Variants in ZNF644 observed in about 807,000 individuals in gnomAD.
ZNF644 encodes zinc finger motif enhancer binding protein 2.
In ZNF644, 20 loss-of-function variants were observed where a neutral mutation model predicts 108.0. The ratio of observed to expected loss-of-function variants is 0.19; its 90% CI spans 0.13 to 0.27. The LOEUF (loss-of-function observed/expected upper bound fraction) is 0.27, where lower values mean the gene tolerates loss of function less well. ZNF644 is among the 10% of genes least tolerant of loss of function. The probability of loss-of-function intolerance (pLI) is 1.00; values close to 1 mark genes in which losing one functional copy is unlikely to be tolerated. For missense variants in ZNF644, 1,338 were observed against 1,548.9 expected (o/e 0.86, Z 2.29); for synonymous variants, 542 against 539.1 (o/e 1.01, Z -0.08).
rs1471714175 is a variant in ZNF644 at position 90,938,255 on chromosome 1, C to G, written c.3082+17G>C. 1 of 1,613,916 alleles carries G rather than the reference C, an allele frequency of 6.2e-7. No individual in the cohort carries two copies. Among genetic ancestry groups the G allele is most frequent in the Admixed American group, 1.7e-5 (1 of 59,994 alleles). ...ACACAGACCTATCAGCCCAAATCAT[C>G]CCCATGGAGAACTTACCTTTTCTAA... On this transcript the variant is annotated intron_variant, in intron 3 of 5. Transcript: ENST00000337393. This position sits in a 1 kb window ranked among gnomAD's most constrained non-coding sequence, Gnocchi z 4.2.
At chr1:90,994,023 G>A (rs903757075) in intron 1 of ZNF644, among the ~76,000 whole-genome samples, 1 of 152,200 alleles carries the variant, frequency 6.6e-6, no homozygotes, top group African/African-American at 2.4e-5. Context: ...CTCTCAGGCT[G>A]ATCAGATTAC....
chr1:91,010,255 T>TC (rs1054415639), intron 1 of ZNF644, among the ~76,000 whole-genome samples: 2 of 142,340 alleles, frequency 1.4e-5, no homozygotes, highest in East Asian at 2.0e-4. Context: ...TTTTTTTTTT[T>TC]CTGAGACACA....
At chr1:90,983,339 C>T (rs1656752567) in intron 1 of ZNF644, among the ~76,000 whole-genome samples, 2 of 151,820 alleles carry the variant, frequency 1.3e-5, no homozygotes, top group Admixed American at 6.6e-5. Context: ...GACATGGGGG[C>T]CTGTTAAAAA....
Position 90,940,987 on chromosome 1 carries a change from A to T in ZNF644, c.367T>A (p.Ser123Thr). Residue 123 changes from serine to threonine, a missense_variant, in exon 3 of 6, where the codon TCC (serine) becomes ACC (threonine). This residue lies in a region of ZNF644 where 464 missense variants were observed against 457.9 expected (regional missense o/e 1.01). Coordinates refer to ENST00000337393, the MANE Select transcript of ZNF644 (RefSeq NM_201269.3). ...ATATTGGAAGTCTTAGTTAAGGAGG[A>T]GTGTGAAACTGGTCCATTAACAGCA... Reference protein sequence around the residue: ...GAAVNGPVSHSSLTKTSNMNK... With the variant: ...GAAVNGPVSHTSLTKTSNMNK... 1 of 1,614,058 alleles carries T rather than the reference A, an allele frequency of 6.2e-7. No homozygotes were observed. The highest frequency in any genetic ancestry group is 8.5e-7 in the Non-Finnish European group (1 of 1,179,966).
chr1:90,966,820 T>C (rs112220890), intron 2 of ZNF644, among the ~76,000 whole-genome samples: 10 of 150,010 alleles, frequency 6.7e-5, no homozygotes, highest in African/African-American at 2.5e-4. Flanking sequence ...TGGGAGATGG[T>C]CTTAAGGTAG....
intron 2 of ZNF644, among the ~76,000 whole-genome samples, chr1:90,947,696 A>G (rs1230133258): frequency 6.6e-6 from 1 of 152,148 alleles, no homozygotes; most frequent in Non-Finnish European, 1.5e-5. Flanking sequence ...TAGGAATACA[A>G]AGCATATACA....
At chr1:90,946,656 C>T (rs1652543560) in intron 2 of ZNF644, among the ~76,000 whole-genome samples, 1 of 152,004 alleles carries the variant, frequency 6.6e-6, no homozygotes, top group African/African-American at 2.4e-5. Context: ...GAAAATATGA[C>T]ATTAAATGAC....
intron 2 of ZNF644, chr1:90,972,779 C>T (rs922347042): frequency 2.6e-5 from 4 of 152,120 alleles, no homozygotes; most frequent in Non-Finnish European, 5.9e-5. Flanking sequence ...ATTATGCAGA[C>T]TTAAAATGGG....
intron 2 of ZNF644, among the ~76,000 whole-genome samples, chr1:90,965,814 A>G (rs1035281251): frequency 4.6e-5 from 7 of 152,018 alleles, no homozygotes; most frequent in Admixed American, 3.3e-4. Flanking sequence ...CAGTGGCATG[A>G]TCTCGGCTCA....
chr1:90,953,522 C>T (rs949845576), intron 2 of ZNF644, among the ~76,000 whole-genome samples: 5 of 151,206 alleles, frequency 3.3e-5, no homozygotes, highest in African/African-American at 9.8e-5. Flanking sequence ...TGCACATGTA[C>T]CCTGGAACTT....
At chr1:90,961,307 T>G (rs1654320317) in intron 2 of ZNF644, among the ~76,000 whole-genome samples, 1 of 152,166 alleles carries the variant, frequency 6.6e-6, no homozygotes, top group South Asian at 2.1e-4. Context: ...ATTATCAATC[T>G]AATCTAATTT....
chr1:90,940,602 A>C lies in ZNF644; in HGVS notation c.752T>G (p.Phe251Cys), dbSNP rs1279202324. Residue 251 changes from phenylalanine (F) to cysteine (C), a missense_variant, in exon 3 of 6, where the codon TTT (phenylalanine) becomes TGT (cysteine). Around this residue, in one of 6 missense-constraint regions of ZNF644, gnomAD observed 464 missense variants for 457.9 expected, o/e 1.01. Transcript: ENST00000337393. ...CCAGTTTGTATCATTTTCTGACCTA[A>C]ATCCATCTGTACCTGAGGAAATTCC... ...VTGISSGTDG[F>C]RSENDTNWDP... The C allele has an allele frequency of 6.2e-7, 1 of 1,613,976 alleles. No individual in the cohort carries two copies. The highest frequency in any genetic ancestry group is 1.1e-5 in the South Asian group (1 of 91,066).
At chr1:90,962,331 C>G (rs1235709528) in intron 2 of ZNF644, among the ~76,000 whole-genome samples, 3 of 151,776 alleles carry the variant, frequency 2.0e-5, no homozygotes, top group Admixed American at 1.3e-4. Flanking sequence ...GGGAAAAAAA[C>G]AGAGTCCATA....
At chr1:90,978,670 T>G (rs1656243887) in intron 2 of ZNF644, among the ~76,000 whole-genome samples, 1 of 152,076 alleles carries the variant, frequency 6.6e-6, no homozygotes, top group Non-Finnish European at 1.5e-5. Flanking sequence ...AAGCACAAAA[T>G]GAAGACGAAG....
At chr1:90,922,027 T>A (rs1352330667) in intron 4 of ZNF644, among the ~76,000 whole-genome samples, 1 of 152,202 alleles carries the variant, frequency 6.6e-6, no homozygotes, top group Non-Finnish European at 1.5e-5. Flanking sequence ...GACTTTGACA[T>A]TAAAATCTTT....
In ZNF644 at chr1:90,939,426, A is replaced by G. The variant is rs1651713131; in HGVS notation, c.1928T>C (p.Leu643Ser). The change falls in exon 3 of 6, where the codon TTA becomes TCA. Residue 643 changes from leucine to serine, a missense_variant. Leu to Ser is a moderately radical substitution (Grantham distance 145). Transcript: ENST00000337393. ...EPVDSDSTKT[L>S]TKQQSTTFPK... is the part of the protein sequence containing the mutation. ...AAATGTGGTTGACTGTTGTTTAGTTAATGTTTTAGTGCTATCACTATCTAC... is the reference window on the plus strand; with the variant it reads ...AAATGTGGTTGACTGTTGTTTAGTTGATGTTTTAGTGCTATCACTATCTAC... The G allele has an allele frequency of 6.2e-7, 1 of 1,613,892 alleles. No individual in the cohort carries two copies. The highest frequency in any genetic ancestry group is 8.5e-7 in the Non-Finnish European group (1 of 1,179,924).
intron 4 of ZNF644, 36 bp from the exon 5 acceptor site, chr1:90,918,190 T>C (rs1444309006): frequency 6.4e-7 from 1 of 1,552,110 alleles, no homozygotes; most frequent in East Asian, 2.3e-5. Context: ...ACATTCCTTA[T>C]ATATTTCAAA....
At chr1:91,009,838 A>G (rs1659784561) in intron 1 of ZNF644, among the ~76,000 whole-genome samples, 2 of 152,184 alleles carry the variant, frequency 1.3e-5, no homozygotes, top group Admixed American at 6.5e-5. Context: ...TGCAAACTCT[A>G]TCTCCATTTA....
chr1:90,939,671 A>C lies in ZNF644; in HGVS notation c.1683T>G (p.Ile561Met). 1 of 1,614,022 alleles carries C rather than the reference A, an allele frequency of 6.2e-7. No individual in the cohort carries two copies. Among genetic ancestry groups the C allele is most frequent in the Non-Finnish European group, 8.5e-7 (1 of 1,179,930 alleles). The change falls in exon 3 of 6, where the codon ATT becomes ATG. Residue 561 changes from isoleucine to methionine, a missense_variant. This residue lies in a region of ZNF644 where 462 missense variants were observed against 472.6 expected (regional missense o/e 0.98). Coordinates refer to ENST00000337393, the MANE Select transcript of ZNF644 (RefSeq NM_201269.3). ...VVKCPMVTSD[I>M]AQRKTQKKTF... ...TCTTTTTTTGTGTTTTTCTCTGGGC[A>C]ATATCAGAAGTGACCATAGGGCATT...
Sources: gnomAD v4.1 joint callset for allele counts (sites outside exome capture counted in the v4.1 genomes callset) on GRCh38, gnomAD v4.1.1 for gene constraint, gnomAD v4.1.1 regional missense constraint, Gnocchi (gnomAD v3.1) non-coding constraint, MANE v1.5 for transcripts, NCBI Gene and HGNC (gene_info 2026-07-23, HGNC 2026-07-21) for gene names.